Variants in NKAIN3 observed in about 807,000 individuals in gnomAD.
NKAIN3 encodes sodium/potassium-transporting ATPase subunit beta-1-interacting protein 3.
A neutral mutation model predicts 30.2 loss-of-function variants in NKAIN3; 25 were observed. That is an observed-to-expected ratio of 0.83 (90% CI 0.60 to 1.16). The LOEUF (loss-of-function observed/expected upper bound fraction) is 1.16. NKAIN3 is among the 50% of genes most tolerant of loss of function. NKAIN3 has a pLI of 0.00. For missense variants in NKAIN3, 225 were observed against 254.1 expected (o/e 0.89, Z 0.78); for synonymous variants, 91 against 89.6 (o/e 1.02, Z -0.09).
At chr8:62,323,595 G>T (rs1025771821) in intron 1 of NKAIN3, among the ~76,000 whole-genome samples, 1 of 152,086 alleles carries the variant, frequency 6.6e-6, no homozygotes, top group Non-Finnish European at 1.5e-5. Flanking sequence ...GCCATCTTTT[G>T]TGGTAGTTCT....
chr8:62,643,787 T>G (rs1260022155), intron 3 of NKAIN3, among the ~76,000 whole-genome samples: 1 of 152,072 alleles, frequency 6.6e-6, no homozygotes, highest in East Asian at 1.9e-4. Context: ...AGAGCTTTTC[T>G]TGTTCTTATA....
chr8:62,316,746 C>T (rs577575494), intron 1 of NKAIN3, among the ~76,000 whole-genome samples: 29 of 152,146 alleles, frequency 1.9e-4, no homozygotes, highest in South Asian at 4.1e-4. Flanking sequence ...CATATGTGTG[C>T]GTATGTCTTT....
intron 1 of NKAIN3, among the ~76,000 whole-genome samples, chr8:62,543,986 T>A (rs995983007): frequency 1.3e-5 from 2 of 152,102 alleles, no homozygotes; most frequent in African/African-American, 4.8e-5. Context: ...GAATTGCTGC[T>A]AATTTTGTGT....
chr8:62,680,536 T>C (rs1221536812), intron 3 of NKAIN3, among the ~76,000 whole-genome samples: 1 of 152,222 alleles, frequency 6.6e-6, no homozygotes, highest in Non-Finnish European at 1.5e-5. Context: ...TTTAAAATAT[T>C]AAAATGTCAA....
At chr8:62,531,418 A>G (rs558090830) in intron 1 of NKAIN3, among the ~76,000 whole-genome samples, 1 of 152,178 alleles carries the variant, frequency 6.6e-6, no homozygotes, top group Admixed American at 6.5e-5. Flanking sequence ...ATATTTCCTT[A>G]GCCATTCCCT....
chr8:62,680,977 G>C (rs1274060006), intron 3 of NKAIN3, among the ~76,000 whole-genome samples: 1 of 152,138 alleles, frequency 6.6e-6, no homozygotes, highest in Non-Finnish European at 1.5e-5. Context: ...TTATGAGACA[G>C]TAGCAACTGA....
intron 1 of NKAIN3, among the ~76,000 whole-genome samples, chr8:62,478,303 T>C (rs1806587798): frequency 6.6e-6 from 1 of 152,228 alleles, no homozygotes; most frequent in Non-Finnish European, 1.5e-5. Context: ...CCAGAATCTA[T>C]GCATGCTTTT....
chr8:62,774,156 T>C (rs1452871345), intron 4 of NKAIN3, among the ~76,000 whole-genome samples: 2 of 152,236 alleles, frequency 1.3e-5, no homozygotes, highest in African/African-American at 4.8e-5. Context: ...TATTTTGCTT[T>C]ATTTGTAGGT....
intron 1 of NKAIN3, among the ~76,000 whole-genome samples, chr8:62,347,668 C>A (rs562567819): frequency 5.9e-5 from 9 of 151,946 alleles, no homozygotes; most frequent in African/African-American, 2.2e-4. Flanking sequence ...TAATGCCAGA[C>A]AAAGTGTAGG....
At chr8:62,327,208 G>A (rs1177147013) in intron 1 of NKAIN3, among the ~76,000 whole-genome samples, 2 of 151,798 alleles carry the variant, frequency 1.3e-5, no homozygotes, top group African/African-American at 4.8e-5. Flanking sequence ...TACATATTTT[G>A]GGTATTAACC....
chr8:62,955,851 G>T (rs1268637567), intron 6 of NKAIN3, among the ~76,000 whole-genome samples: 1 of 152,140 alleles, frequency 6.6e-6, no homozygotes, highest in Non-Finnish European at 1.5e-5. Context: ...TGCTCCAAGG[G>T]TTTTCTCAGC....
intron 4 of NKAIN3, among the ~76,000 whole-genome samples, chr8:62,803,715 A>C (rs990405201): frequency 3.9e-5 from 6 of 152,184 alleles, no homozygotes; most frequent in Non-Finnish European, 7.3e-5. Flanking sequence ...CTAGAAAAGC[A>C]AGAGCAAACA....
chr8:62,942,185 TACAC>T (rs1267095290), intron 5 of NKAIN3, among the ~76,000 whole-genome samples: 980 of 79,296 alleles, frequency 0.012, 19 homozygotes, highest in African/African-American at 0.057. Flanking sequence ...TATATATATA[TACAC>T]ATATATATAC....
intron 1 of NKAIN3, among the ~76,000 whole-genome samples, chr8:62,257,962 G>A (rs902324106): frequency 1.3e-5 from 2 of 151,848 alleles, no homozygotes; most frequent in African/African-American, 2.4e-5. Context: ...AAGATTTTGG[G>A]AAATAAATTG....
downstream of NKAIN3, among the ~76,000 whole-genome samples, chr8:62,989,280 G>C (rs574756665): frequency 6.6e-6 from 1 of 152,264 alleles, no homozygotes; most frequent in Admixed American, 6.5e-5. Flanking sequence ...CCAATTTACT[G>C]TTTTAGTCTG....
At chr8:62,499,085 A>C (rs1346732081) in intron 1 of NKAIN3, among the ~76,000 whole-genome samples, 2 of 152,096 alleles carry the variant, frequency 1.3e-5, no homozygotes, top group African/African-American at 4.8e-5. Context: ...GTTGATACAG[A>C]GTTCGATAGT....
At chr8:62,571,997 A>C (rs1014736314) in intron 1 of NKAIN3, among the ~76,000 whole-genome samples, 1 of 152,104 alleles carries the variant, frequency 6.6e-6, no homozygotes, top group Non-Finnish European at 1.5e-5. Context: ...GGGGATTAAC[A>C]TTGGGCTTCT....
At chr8:62,941,936 T>G (rs1822966770) in intron 5 of NKAIN3, among the ~76,000 whole-genome samples, 1 of 151,970 alleles carries the variant, frequency 6.6e-6, no homozygotes, top group Non-Finnish European at 1.5e-5. Context: ...GAGAAAGAAA[T>G]AGAGGGCATC....
At chr8:62,631,209 C>T (rs576794047) in intron 3 of NKAIN3, among the ~76,000 whole-genome samples, 19 of 152,112 alleles carry the variant, frequency 1.2e-4, no homozygotes, top group Non-Finnish European at 2.8e-4. Flanking sequence ...ACCCACATCT[C>T]CAGAGAGACA....
Sources: gnomAD v4.1 joint callset for allele counts (sites outside exome capture counted in the v4.1 genomes callset) on GRCh38, gnomAD v4.1.1 for gene constraint, MANE v1.5 for transcripts, NCBI Gene and HGNC (gene_info 2026-07-23, HGNC 2026-07-21) for gene names.